OC90: variants seen among roughly 807,000 people sequenced by gnomAD.
OC90 encodes otoconin 90, also known as otoconin-90.
A neutral mutation model predicts 47.3 loss-of-function variants in OC90; 46 were observed. That is an observed-to-expected ratio of 0.97 (90% confidence interval 0.77 to 1.24). The LOEUF is 1.24. OC90 is among the 50% of genes most tolerant of loss of function. The probability of loss-of-function intolerance (pLI) is 0.00; values close to 1 mark genes in which losing one functional copy is unlikely to be tolerated. For missense variants in OC90, 688 were observed against 583.9 expected (o/e 1.18, Z -1.84); for synonymous variants, 271 against 219.5 (o/e 1.23, Z -2.07).
Position 132,024,791 on chromosome 8 carries a change from G to T in OC90, c.1139-15C>A. The T allele has an allele frequency of 6.2e-7, 1 of 1,602,860 alleles. No individual in the cohort carries two copies. Among genetic ancestry groups the T allele is most frequent in the Non-Finnish European group, 8.5e-7 (1 of 1,174,024 alleles). On this transcript the variant is annotated splice_polypyrimidine_tract_variant and intron_variant, in intron 13 of 13. Coordinates refer to ENST00000254627, the MANE Select transcript of OC90 (RefSeq NM_001080399.3). ...TTGGCCCCCACCTTAGAAGGAAAGAGCAGAGTAGAAGCCATGAGACCTCTG... is the reference window on the plus strand; with the variant it reads ...TTGGCCCCCACCTTAGAAGGAAAGATCAGAGTAGAAGCCATGAGACCTCTG...
rs186362847 is a variant in OC90 at position 132,024,763 on chromosome 8, G to A, written c.1152C>T (p.Ser384=). The A allele has an allele frequency of 6.2e-7, 1 of 1,612,634 alleles. No individual in the cohort carries two copies. Among genetic ancestry groups the A allele is most frequent in the East Asian group, 2.2e-5 (1 of 44,864 alleles). ...VDHTPKCGGQ[S]LCEKLLCACD... is the part of the protein sequence containing the mutation. ...AGGCACAGAGCAACTTCTCACACAG[G>A]CTTTGGCCCCCACCTTAGAAGGAAA... Residue 384 remains serine (S), a synonymous_variant, in exon 14 of 14, where the codon AGC becomes AGT. Coordinates refer to ENST00000254627, the MANE Select transcript of OC90 (RefSeq NM_001080399.3).
intron 13 of OC90, among the ~76,000 whole-genome samples, chr8:132,026,295 AT>A (rs138097927): frequency 0.043 from 6,511 of 152,208 alleles, 181 homozygotes; most frequent in South Asian, 0.079. Flanking sequence ...AAGCTAAGGG[AT>A]TTTTTTGGCA....
At chr8:132,058,138 C>T (rs540339390) in intron 1 of OC90, among the ~76,000 whole-genome samples, 12 of 152,310 alleles carry the variant, frequency 7.9e-5, no homozygotes, top group African/African-American at 2.9e-4. Flanking sequence ...TCAGTGCCAG[C>T]TAGAAGGTGC....
chr8:132,046,320 C>T (rs1823132899), intron 2 of OC90, among the ~76,000 whole-genome samples: 1 of 152,118 alleles, frequency 6.6e-6, no homozygotes, highest in African/African-American at 2.4e-5. Context: ...ATCAGAATCA[C>T]CTGGGATGCA....
chr8:132,033,047 G>A lies in OC90; in HGVS notation c.851C>T (p.Thr284Ile). ...ACACTGCTTCTGCTCACCTTTTTCA[G>A]TGGTCTCCTCAGGATCATTTTCAAC... ...SSVENDPEET[T>I]EKACDRFTFL... Residue 284 changes from threonine to isoleucine, a missense_variant, in exon 11 of 14, where the codon ACT becomes ATT. Coordinates refer to ENST00000254627, the MANE Select transcript of OC90 (RefSeq NM_001080399.3). The A allele has an allele frequency of 1.2e-6, 2 of 1,609,444 alleles. No individual in the cohort carries two copies. Among genetic ancestry groups the A allele is most frequent in the Non-Finnish European group, 1.7e-6 (2 of 1,178,078 alleles).
At chr8:132,032,972 C>T (rs1376625148) in intron 11 of OC90, 67 bp downstream of exon 11, 34 of 1,546,816 alleles carry the variant, frequency 2.2e-5, no homozygotes, top group African/African-American at 4.1e-5. Context: ...AGGTGGCCTA[C>T]GGTGATTGTT....
intron 2 of OC90, among the ~76,000 whole-genome samples, chr8:132,048,402 T>C (rs4736535): frequency 0.37 from 54,834 of 148,872 alleles, 10,407 homozygotes; most frequent in East Asian, 0.48. Context: ...GAGAGCAATT[T>C]GGGATGGTTG....
Position 132,025,469 on chromosome 8 carries a change from A to G in OC90, c.1139-693T>C, listed in dbSNP as rs73350923. ...GAGGGTGCTAGACCAGTAAGGGGAA[A>G]TTGCCCTAACAGAGTATGCACAAAA... On this transcript the variant is annotated intron_variant, in intron 13 of 13. Transcript: ENST00000254627. 4.9e-3 allele frequency among the ~76,000 whole-genome samples: 744 copies of G among 152,250 alleles called. 5 individuals are homozygous for G. Among genetic ancestry groups the G allele is most frequent in the African/African-American group, 0.017 (711 of 41,548 alleles).
chr8:132,026,958 C>G (rs1356364416), intron 13 of OC90, among the ~76,000 whole-genome samples: 2 of 152,122 alleles, frequency 1.3e-5, no homozygotes. Context: ...AACCACAGCT[C>G]AGTTGTCCCT....
intron 2 of OC90, among the ~76,000 whole-genome samples, chr8:132,051,981 C>T (rs12549370): frequency 0.071 from 10,781 of 152,084 alleles, 608 homozygotes; most frequent in East Asian, 0.23. Context: ...TGTTTTGTGG[C>T]CTAAACAAAA....
At chr8:132,055,162 C>T (rs563294667) in intron 1 of OC90, 89 bp from the exon 2 acceptor site, 4 of 679,382 alleles carry the variant, frequency 5.9e-6, no homozygotes, top group East Asian at 2.9e-5. Context: ...TTCTTGGTCC[C>T]ACAAGGCATG....
Position 132,044,365 on chromosome 8 carries a change from A to T in OC90, c.169+68T>A. On this transcript the variant is annotated intron_variant, in intron 4 of 13. Coordinates refer to ENST00000254627, the MANE Select transcript of OC90 (RefSeq NM_001080399.3). ...GAGGGTTGAGACCAAGGCCCTTGCAATTTCCTTAGATTTGTCCACACATGC... is the reference window on the plus strand; with the variant it reads ...GAGGGTTGAGACCAAGGCCCTTGCATTTTCCTTAGATTTGTCCACACATGC... 1.2e-5 allele frequency: 11 copies of T among 892,046 alleles called. No individual in the cohort carries two copies. In the Middle Eastern group the frequency reaches 6.4e-4, roughly 52 times the overall value. The allele number at this position is 892,046 out of a possible 1,614,324, so 55.3% of individuals were successfully genotyped here. A position where few individuals can be genotyped will look rare whatever the true frequency, so the allele number is the denominator to read the frequency against.
At chr8:132,058,622 C>T (rs950682133) in intron 1 of OC90, among the ~76,000 whole-genome samples, 1 of 152,174 alleles carries the variant, frequency 6.6e-6, no homozygotes, top group Admixed American at 6.5e-5. Context: ...ACTCATTTTC[C>T]TGGGCAGCGA....
intron 13 of OC90, among the ~76,000 whole-genome samples, chr8:132,027,366 G>A (rs181127014): frequency 7.9e-5 from 12 of 152,286 alleles, no homozygotes; most frequent in East Asian, 1.9e-4. Flanking sequence ...TAAACACAAA[G>A]CTCCTGGGAT....
rs748379617 is a variant in OC90, at chr8:132,041,550, C to T, written c.319G>A (p.Gly107Arg). Residue 107 changes from glycine to arginine, a missense_variant, in exon 5 of 14, where the codon GGG becomes AGG. Gly to Arg is a moderately radical substitution (Grantham distance 125, BLOSUM62 -2). Coordinates refer to ENST00000254627, the MANE Select transcript of OC90 (RefSeq NM_001080399.3). The part of the protein sequence containing the change: ...YGCTCRFEME[G>R]LPVDESDSCC... Reference sequence around the variant, plus strand: ...CTGTCAGATTCATCCACAGGCAACCCTTCCATCTCAAACCTGCAGGTGCAA... The same window carrying T: ...CTGTCAGATTCATCCACAGGCAACCTTTCCATCTCAAACCTGCAGGTGCAA... 2.5e-6 allele frequency: 4 copies of T among 1,612,662 alleles called. No individual in the cohort carries two copies. Among genetic ancestry groups the T allele is most frequent in the South Asian group, 2.2e-5 (2 of 90,968 alleles).
At chr8:132,036,009 G>A (rs1822954301) in intron 9 of OC90, among the ~76,000 whole-genome samples, 1 of 152,152 alleles carries the variant, frequency 6.6e-6, no homozygotes, top group Admixed American at 6.6e-5. Context: ...TATTAATAAA[G>A]GATCCATAGT....
intron 4 of OC90, among the ~76,000 whole-genome samples, chr8:132,043,040 T>A (rs6415549): frequency 0.62 from 94,258 of 152,112 alleles, 29,755 homozygotes; most frequent in East Asian, 0.75. Context: ...GCGGATTGGA[T>A]AAAGAAAATG....
At chr8:132,048,454 C>A in intron 2 of OC90, among the ~76,000 whole-genome samples, 1 of 151,726 alleles carries the variant, frequency 6.6e-6, no homozygotes, top group African/African-American at 2.4e-5. Flanking sequence ...GCTGCACTAA[C>A]CCACCGTGGT....
intron 6 of OC90, 146 bp from the exon 7 acceptor site, chr8:132,039,269 T>C (rs1450266771): frequency 2.4e-5 from 21 of 887,742 alleles, no homozygotes; most frequent in Admixed American, 4.2e-5. Context: ...TCAGCTCTTA[T>C]CTCTTTAGGG....
Sources: gnomAD v4.1 joint callset for allele counts (sites outside exome capture counted in the v4.1 genomes callset) on GRCh38, gnomAD v4.1.1 for gene constraint, MANE v1.5 for transcripts, NCBI Gene and HGNC (gene_info 2026-07-23, HGNC 2026-07-21) for gene names.